Variants in RNF216 observed in about 807,000 individuals in gnomAD.
RNF216 encodes the protein E3 ubiquitin-protein ligase RNF216.
A neutral mutation model predicts 110.8 loss-of-function variants in RNF216; 72 were observed. That is an observed-to-expected ratio of 0.65 (90% confidence interval 0.54 to 0.79). The LOEUF (loss-of-function observed/expected upper bound fraction) is 0.79, where lower values mean the gene tolerates loss of function less well. RNF216 is among the 30% of genes least tolerant of loss of function. The pLI is 0.00. For missense variants in RNF216, 1,342 were observed against 1,141.2 expected (o/e 1.18, Z -2.54); for synonymous variants, 495 against 407.5 (o/e 1.21, Z -2.59).
Position 5,741,743 on chromosome 7 carries a change from C to A in RNF216, c.274G>T (p.Gly92Ter). ...AAQWQDLKRL[G>*]EERPKKSRAA... Reference sequence around the variant, plus strand: ...CTAGACTTTTTAGGCCTTTCTTCTCCCAACCTTTTCAGATCTTGCCACTGG... The same window carrying A: ...CTAGACTTTTTAGGCCTTTCTTCTCACAACCTTTTCAGATCTTGCCACTGG... Residue 92 changes from glycine to a stop codon, truncating the protein, a stop_gained, in exon 4 of 17, where the codon GGA (glycine) becomes TGA (stop). Transcript: ENST00000389902. LOFTEE classifies it high-confidence loss of function. 6.2e-7 allele frequency: 1 copy of A among 1,614,128 alleles called. No homozygotes were observed.
In RNF216 at chr7:5,626,705, A is replaced by T. The variant is rs114770651; in HGVS notation, c.2383-2580T>A. On this transcript the variant is annotated intron_variant, in intron 15 of 16. Transcript: ENST00000389902. ...AAAAAGGAAGAAAGAAAAAAGAAAG[A>T]AAGTTGTGCAGCAGGAGGGCCGTGG... Among the ~76,000 whole-genome samples the T allele has an allele frequency of 8.9e-3, 1,349 of 152,072 alleles. 19 individuals carry two copies. Among genetic ancestry groups the T allele is most frequent in the African/African-American group, 0.03 (1,264 of 41,528 alleles).
At chr7:5,764,808 T>G (rs555837364) in intron 1 of RNF216, among the ~76,000 whole-genome samples, 247 of 152,254 alleles carry the variant, frequency 1.6e-3, no homozygotes, top group African/African-American at 5.5e-3. Flanking sequence ...GGCTCATGCC[T>G]ATAATCCCAC....
chr7:5,703,034 A>G (rs937447411), intron 13 of RNF216, among the ~76,000 whole-genome samples: 1 of 152,182 alleles, frequency 6.6e-6, no homozygotes, highest in African/African-American at 2.4e-5. Context: ...AGCTCTTCAG[A>G]GGGACCCATG....
chr7:5,722,293 C>A (rs1417540975), intron 8 of RNF216, among the ~76,000 whole-genome samples: 1 of 151,568 alleles, frequency 6.6e-6, no homozygotes, highest in Non-Finnish European at 1.5e-5. Context: ...TCTTGGTAAT[C>A]TCTTGATTTT....
At chr7:5,726,305 G>GA (rs2128640318) in intron 7 of RNF216, among the ~76,000 whole-genome samples, 1 of 152,210 alleles carries the variant, frequency 6.6e-6, no homozygotes, top group South Asian at 2.1e-4. Context: ...AGCTGTCCTT[G>GA]AATAAGTACA....
At chr7:5,713,486 C>G (rs1212179042) in intron 11 of RNF216, 4 of 152,254 alleles carry the variant, frequency 2.6e-5, no homozygotes, top group African/African-American at 7.2e-5. Flanking sequence ...CTTTCCTCCC[C>G]CTCAGTTTCA....
chr7:5,656,501 A>C (rs895679566), intron 13 of RNF216, among the ~76,000 whole-genome samples: 1 of 152,008 alleles, frequency 6.6e-6, no homozygotes, highest in Non-Finnish European at 1.5e-5. Flanking sequence ...CGACTGGGGG[A>C]AACCACGGAG....
chr7:5,735,077 C>T (rs1215909447), intron 5 of RNF216, among the ~76,000 whole-genome samples: 1 of 151,880 alleles, frequency 6.6e-6, no homozygotes, highest in Non-Finnish European at 1.5e-5. Flanking sequence ...ACCCAGAAGA[C>T]GGAGGTTGCA....
chr7:5,750,575 T>C (rs758467508), intron 3 of RNF216, among the ~76,000 whole-genome samples: 1 of 152,250 alleles, frequency 6.6e-6, no homozygotes, highest in Non-Finnish European at 1.5e-5. Context: ...GCTTAGTTCC[T>C]GAAGCCCTAT....
At position 5,631,658 on chromosome 7, in the gene RNF216, C is replaced by T. The variant is rs565899487; in HGVS notation, c.2383-7533G>A. On this transcript the variant is annotated intron_variant, in intron 15 of 16. Coordinates refer to ENST00000389902, the MANE Select transcript of RNF216 (RefSeq NM_207111.4). ...TCACAAAAAACTCAGGGATTTGGTT[C>T]TCATCAACATAAAAAAAAAAATGCC... Among the ~76,000 whole-genome samples the T allele has an allele frequency of 4.7e-5, 7 of 147,606 alleles. No homozygotes were observed. In the East Asian group the frequency reaches 1.4e-3, roughly 29 times the overall value.
chr7:5,672,869 C>T (rs752041957), intron 13 of RNF216, among the ~76,000 whole-genome samples: 1 of 152,100 alleles, frequency 6.6e-6, no homozygotes, highest in Non-Finnish European at 1.5e-5. Flanking sequence ...CAGCACACTC[C>T]CAGGATAATG....
intron 4 of RNF216, among the ~76,000 whole-genome samples, chr7:5,740,037 A>C (rs969013843): frequency 2.0e-5 from 3 of 148,656 alleles, no homozygotes; most frequent in South Asian, 2.2e-4. Flanking sequence ...AACAAAAAAA[A>C]CCCGCCTGGG....
chr7:5,671,237 C>T (rs1789886024), intron 13 of RNF216, among the ~76,000 whole-genome samples: 1 of 152,170 alleles, frequency 6.6e-6, no homozygotes, highest in Non-Finnish European at 1.5e-5. Flanking sequence ...GCTGCTCATG[C>T]CTGAATAGAC....
chr7:5,746,940 G>C (rs1795059045), intron 3 of RNF216, among the ~76,000 whole-genome samples: 2 of 152,104 alleles, frequency 1.3e-5, no homozygotes, highest in South Asian at 4.1e-4. Context: ...AGAGACAACA[G>C]AATTCTAAAA....
chr7:5,692,849 T>C (rs1791417158), intron 13 of RNF216, among the ~76,000 whole-genome samples: 1 of 152,260 alleles, frequency 6.6e-6, no homozygotes, highest in South Asian at 2.1e-4. Flanking sequence ...ACAATGGGTA[T>C]ACAATGTGAC....
intron 3 of RNF216, among the ~76,000 whole-genome samples, chr7:5,745,794 C>G (rs1207966749): frequency 2.0e-5 from 3 of 149,312 alleles, no homozygotes; most frequent in African/African-American, 7.4e-5. Context: ...CAGCTACTCT[C>G]GGGAGGCTGA....
chr7:5,778,494 C>G (rs190629419), intron 1 of RNF216, among the ~76,000 whole-genome samples: 4 of 152,302 alleles, frequency 2.6e-5, no homozygotes, highest in African/African-American at 9.6e-5. Context: ...TTGGTCTCCT[C>G]TGCTAAAACT....
chr7:5,739,787 G>A (rs1794649489), intron 4 of RNF216, among the ~76,000 whole-genome samples: 1 of 152,028 alleles, frequency 6.6e-6, no homozygotes, highest in African/African-American at 2.4e-5. Flanking sequence ...GATCACCTGA[G>A]GTCAGGAGTT....
intron 8 of RNF216, among the ~76,000 whole-genome samples, chr7:5,721,582 G>C (rs918880188): frequency 3.9e-5 from 6 of 152,194 alleles, no homozygotes; most frequent in South Asian, 4.1e-4. Flanking sequence ...TCATGGGATA[G>C]GCTTACTTCC....
Sources: gnomAD v4.1 joint callset for allele counts (sites outside exome capture counted in the v4.1 genomes callset) on GRCh38, gnomAD v4.1.1 for gene constraint, MANE v1.5 for transcripts, NCBI Gene and HGNC (gene_info 2026-07-23, HGNC 2026-07-21) for gene names.